Variants in MBNL1 observed in about 807,000 individuals in gnomAD.
The protein encoded by MBNL1 is muscleblind-like protein 1.
In MBNL1, 8 loss-of-function variants were observed where a neutral mutation model predicts 42.2. That is an observed-to-expected ratio of 0.19 (90% CI 0.11 to 0.34). The LOEUF is 0.34. Ranked by LOEUF, MBNL1 falls within the 10% of genes least tolerant of loss-of-function variation. The pLI, the probability that MBNL1 is intolerant of heterozygous loss-of-function variation, is 1.00. For synonymous variants in MBNL1, 169 were observed against 173.9 expected (o/e 0.97, Z 0.22); for missense variants, 309 against 495.3 (o/e 0.62, Z 3.57).
intron 2 of MBNL1, among the ~76,000 whole-genome samples, chr3:152,331,171 G>T (rs959606544): frequency 6.6e-6 from 1 of 150,726 alleles, no homozygotes; most frequent in African/African-American, 2.4e-5. Flanking sequence ...TACTCACACA[G>T]ACACTCCTTC....
chr3:152,330,095 G>T (rs537032403), intron 2 of MBNL1, among the ~76,000 whole-genome samples: 45 of 152,062 alleles, frequency 3.0e-4, no homozygotes, highest in Non-Finnish European at 3.8e-4. Context: ...CGTTATTAGG[G>T]ACATTAGTGG....
At chr3:152,265,489 A>C (rs2037081172), upstream of MBNL1, 1 of 152,036 alleles carries the variant, frequency 6.6e-6, no homozygotes, top group Admixed American at 6.6e-5. Flanking sequence ...GGTATGCAGA[A>C]GAAGTAAGTC....
At chr3:152,318,429 A>G (rs1371187080) in intron 2 of MBNL1, among the ~76,000 whole-genome samples, 3 of 152,180 alleles carry the variant, frequency 2.0e-5, no homozygotes, top group Admixed American at 2.0e-4. Flanking sequence ...GATTATATTT[A>G]TTGAGCTATG....
chr3:152,407,209 CTTTTTTTTTTTTTT>C (rs60509782), intron 2 of MBNL1, among the ~76,000 whole-genome samples: 1 of 54,380 alleles, frequency 1.8e-5, no homozygotes, highest in Non-Finnish European at 4.1e-5. Context: ...GAAATATGTT[CTTTTTTTTTTTTTT>C]TTTTTTTTTT....
intron 4 of MBNL1, among the ~76,000 whole-genome samples, chr3:152,442,238 T>C (rs2099154543): frequency 6.6e-6 from 1 of 152,212 alleles, no homozygotes. Flanking sequence ...GGAAATTATC[T>C]AGATATCCTC....
intron 3 of MBNL1, among the ~76,000 whole-genome samples, chr3:152,421,324 C>A (rs947740234): frequency 6.6e-6 from 1 of 152,152 alleles, no homozygotes; most frequent in Non-Finnish European, 1.5e-5. Flanking sequence ...ACCAGTCACT[C>A]CCCTGGAAAG....
chr3:152,275,707 C>CAAAAAAAAAAAAAAAAA (rs60796721), intron 1 of MBNL1, among the ~76,000 whole-genome samples: 1 of 29,644 alleles, frequency 3.4e-5, no homozygotes, highest in Admixed American at 4.3e-4. Context: ...ACTCTTGTCT[C>CAAAAAAAAAAAAAAAAA]AAAAAAAAAA....
At chr3:152,338,602 G>A (rs2092039491) in intron 2 of MBNL1, 1 of 985,272 alleles carries the variant, frequency 1.0e-6, no homozygotes, top group Non-Finnish European at 1.2e-6. Flanking sequence ...CTGGGAGGAA[G>A]AGAATGGCTG....
intron 3 of MBNL1, among the ~76,000 whole-genome samples, chr3:152,415,834 G>A (rs1384687876): frequency 3.3e-5 from 5 of 152,170 alleles, no homozygotes; most frequent in Non-Finnish European, 7.3e-5. Context: ...TCTGGAGTAT[G>A]TGTGTAATAA....
At chr3:152,336,048 T>C (rs1326356155) in intron 2 of MBNL1, among the ~76,000 whole-genome samples, 2 of 152,198 alleles carry the variant, frequency 1.3e-5, no homozygotes, top group Non-Finnish European at 2.9e-5. Context: ...GCTGGAAATA[T>C]AACTGTGAGC....
intron 1 of MBNL1, among the ~76,000 whole-genome samples, chr3:152,287,610 T>G (rs2053315477): frequency 6.6e-6 from 1 of 152,224 alleles, no homozygotes; most frequent in South Asian, 2.1e-4. Flanking sequence ...ATATTTTTAA[T>G]AGTTACCCAC....
At chr3:152,324,905 T>C (rs2078586283) in intron 2 of MBNL1, among the ~76,000 whole-genome samples, 1 of 152,102 alleles carries the variant, frequency 6.6e-6, no homozygotes, top group African/African-American at 2.4e-5. Flanking sequence ...CAAATAATGC[T>C]ACCTGTTATC....
intron 2 of MBNL1, 112 bp from the exon 3 acceptor site, chr3:152,414,829 T>A (rs2153646385): frequency 1.0e-6 from 1 of 959,856 alleles, no homozygotes; most frequent in Non-Finnish European, 1.6e-6. Flanking sequence ...GGACAATGCA[T>A]TGTGTGAAAA....
At chr3:152,445,563 C>T (rs377499739) in intron 5 of MBNL1, 24 bp downstream of exon 5, 1 of 1,580,340 alleles carries the variant, frequency 6.3e-7, no homozygotes, top group African/African-American at 1.4e-5. Context: ...TCAGCTCTCT[C>T]CTTGTTAGCA....
At chr3:152,418,421 C>T (rs999674399) in intron 3 of MBNL1, among the ~76,000 whole-genome samples, 2 of 151,764 alleles carry the variant, frequency 1.3e-5, no homozygotes, top group African/African-American at 4.8e-5. Flanking sequence ...ACCTGTAATC[C>T]CAGCACTTTG....
At chr3:152,462,236 A>C (rs1747474452) in intron 9 of MBNL1, 149 bp from the exon 10 acceptor site, 1 of 152,084 alleles carries the variant, frequency 6.6e-6, no homozygotes, top group Non-Finnish European at 1.5e-5. Flanking sequence ...TGATCTGTCT[A>C]CTCTTGTAAA....
chr3:152,408,861 G>A (rs1579791248), intron 2 of MBNL1, among the ~76,000 whole-genome samples: 1 of 152,052 alleles, frequency 6.6e-6, no homozygotes, highest in Non-Finnish European at 1.5e-5. Flanking sequence ...GTAAGTTAAG[G>A]ATGCTGCTAA....
chr3:152,312,148 C>T (rs906080548), intron 2 of MBNL1, among the ~76,000 whole-genome samples: 3 of 145,688 alleles, frequency 2.1e-5, no homozygotes, highest in East Asian at 2.0e-4. Flanking sequence ...GCCGAGATCC[C>T]GCCACTGCAC....
chr3:152,399,346 C>T (rs1171630097), intron 2 of MBNL1, among the ~76,000 whole-genome samples: 1 of 152,038 alleles, frequency 6.6e-6, no homozygotes, highest in Non-Finnish European at 1.5e-5. Flanking sequence ...TACCTTTTTT[C>T]TCCTAGCTTA....
Sources: gnomAD v4.1 joint callset for allele counts (sites outside exome capture counted in the v4.1 genomes callset) on GRCh38, gnomAD v4.1.1 for gene constraint, MANE v1.5 for transcripts, NCBI Gene and HGNC (gene_info 2026-07-23, HGNC 2026-07-21) for gene names.